Variants in ACYP2 observed in about 807,000 individuals in gnomAD.
ACYP2 encodes the protein acylphosphatase-2.
A neutral mutation model predicts 11.2 loss-of-function variants in ACYP2; 12 were observed. The observed-to-expected ratio is 1.08, with a 90% CI of 0.69 to 1.74. The LOEUF (loss-of-function observed/expected upper bound fraction) is 1.74, where lower values mean the gene tolerates loss of function less well. Ranked by LOEUF, ACYP2 falls within the 40% of genes most tolerant of loss-of-function variation. The pLI is 0.00. For synonymous variants in ACYP2, 43 were observed against 32.2 expected (o/e 1.33, Z -1.13); for missense variants, 134 against 101.9 (o/e 1.31, Z -1.35).
chr2:54,257,808 A>G (rs1053649308), intron 6 of ACYP2, among the ~76,000 whole-genome samples: 1 of 152,346 alleles, frequency 6.6e-6, no homozygotes, highest in East Asian at 1.9e-4. Context: ...ATAGAAATGT[A>G]TAACTTATCA....
At chr2:54,255,152 G>C (rs1288438014) in intron 6 of ACYP2, 2 of 1,614,166 alleles carry the variant, frequency 1.2e-6, no homozygotes, top group South Asian at 2.2e-5. Flanking sequence ...TGGGGTCCAT[G>C]GCCCCGGCGC....
intron 4 of ACYP2, among the ~76,000 whole-genome samples, chr2:54,120,126 T>A (rs142959575): frequency 6.6e-6 from 1 of 152,346 alleles, no homozygotes; most frequent in East Asian, 1.9e-4. Context: ...CTGGCTGTGA[T>A]AGTGTTTGTC....
At chr2:54,103,064 T>G (rs575915564) in intron 4 of ACYP2, among the ~76,000 whole-genome samples, 1 of 152,234 alleles carries the variant, frequency 6.6e-6, no homozygotes, top group East Asian at 1.9e-4. Flanking sequence ...GGGAAGGCAT[T>G]AGCTCCCCTA....
At chr2:54,284,110 G>C (rs1486876872) in intron 6 of ACYP2, among the ~76,000 whole-genome samples, 1 of 152,136 alleles carries the variant, frequency 6.6e-6, no homozygotes. Context: ...TTTATATTAA[G>C]TGGAAAAGAT....
At chr2:54,045,365 C>T (rs946189275) in intron 2 of ACYP2, among the ~76,000 whole-genome samples, 1 of 152,214 alleles carries the variant, frequency 6.6e-6, no homozygotes, top group African/African-American at 2.4e-5. Context: ...CTGCTGCAAA[C>T]CCTCCTGTCT....
intron 4 of ACYP2, among the ~76,000 whole-genome samples, chr2:54,094,552 G>A (rs1468442891): frequency 7.1e-6 from 1 of 140,490 alleles, no homozygotes; most frequent in Non-Finnish European, 1.5e-5. Context: ...GTGTGTGTGT[G>A]TTTGAGACAT....
At chr2:54,085,501 T>C (rs1677902660) in intron 4 of ACYP2, among the ~76,000 whole-genome samples, 1 of 152,248 alleles carries the variant, frequency 6.6e-6, no homozygotes, top group African/African-American at 2.4e-5. Context: ...ATAGCTCACA[T>C]TTATCTCAGT....
intron 4 of ACYP2, among the ~76,000 whole-genome samples, chr2:54,101,027 G>A (rs1678863884): frequency 6.6e-6 from 1 of 152,236 alleles, no homozygotes; most frequent in African/African-American, 2.4e-5. Context: ...AATGCCAGCA[G>A]TTAGCAGCTG....
At chr2:54,087,859 C>G (rs1678020979) in intron 4 of ACYP2, among the ~76,000 whole-genome samples, 1 of 152,120 alleles carries the variant, frequency 6.6e-6, no homozygotes, top group Non-Finnish European at 1.5e-5. Flanking sequence ...GATTCCCGAA[C>G]ATGAAATTTA....
intron 6 of ACYP2, among the ~76,000 whole-genome samples, chr2:54,230,397 C>A (rs765805691): frequency 6.6e-6 from 1 of 152,026 alleles, no homozygotes; most frequent in Non-Finnish European, 1.5e-5. Context: ...GCTCTTGTTG[C>A]CCAAGCTGGA....
chr2:53,987,080 A>G (rs1204337646), intron 2 of ACYP2, among the ~76,000 whole-genome samples: 2 of 152,208 alleles, frequency 1.3e-5, no homozygotes, highest in Non-Finnish European at 2.9e-5. Flanking sequence ...GCAAAATCAG[A>G]CACACAAGAG....
At chr2:54,217,359 A>C (rs1262663754) in intron 6 of ACYP2, among the ~76,000 whole-genome samples, 23 of 152,014 alleles carry the variant, frequency 1.5e-4, no homozygotes, top group Admixed American at 1.5e-3. Flanking sequence ...GCACAGCTCT[A>C]GGTTTTTTGT....
At chr2:54,096,456 C>A (rs913225651) in intron 4 of ACYP2, among the ~76,000 whole-genome samples, 30 of 152,100 alleles carry the variant, frequency 2.0e-4, no homozygotes, top group Non-Finnish European at 3.7e-4. Context: ...GCTGTACTCT[C>A]GGCACTTTGG....
intron 6 of ACYP2, among the ~76,000 whole-genome samples, chr2:54,294,555 C>A (rs1689442657): frequency 6.6e-6 from 1 of 152,128 alleles, no homozygotes; most frequent in South Asian, 2.1e-4. Flanking sequence ...AAAAACTTCA[C>A]TTGTCTACCG....
intron 6 of ACYP2, among the ~76,000 whole-genome samples, chr2:54,275,097 T>A (rs1005962188): frequency 6.6e-6 from 1 of 152,228 alleles, no homozygotes; most frequent in African/African-American, 2.4e-5. Flanking sequence ...CTTGCCTCAA[T>A]AACTTTGGTT....
At position 54,302,533 on chromosome 2, in the gene ACYP2, T is replaced by A. The variant is rs139738167; in HGVS notation, c.405-2155T>A. Among the ~76,000 whole-genome samples the A allele has an allele frequency of 6.9e-4, 105 of 152,308 alleles. 1 individual carries two copies. Among genetic ancestry groups the A allele is most frequent in the African/African-American group, 2.4e-3 (99 of 41,560 alleles). On this transcript the variant is annotated intron_variant, in intron 6 of 6. Coordinates refer to ENST00000607452, the MANE Select transcript of ACYP2 (RefSeq NM_001320586.2). ...TTGGACCTATCTTTTCTATCTAGATTCATTTTCTTGATGATCCCAGCCAAT... is the reference window on the plus strand; with the variant it reads ...TTGGACCTATCTTTTCTATCTAGATACATTTTCTTGATGATCCCAGCCAAT...
At chr2:53,988,256 A>C (rs1672123526) in intron 2 of ACYP2, among the ~76,000 whole-genome samples, 1 of 152,268 alleles carries the variant, frequency 6.6e-6, no homozygotes, top group Non-Finnish European at 1.5e-5. Flanking sequence ...CCTAGATTCC[A>C]AAGTTCTTTT....
intron 6 of ACYP2, among the ~76,000 whole-genome samples, chr2:54,203,330 G>A (rs1484932641): frequency 6.6e-6 from 1 of 152,156 alleles, no homozygotes; most frequent in Non-Finnish European, 1.5e-5. Flanking sequence ...CTGCATACTT[G>A]TTGAACCTGT....
intron 2 of ACYP2, among the ~76,000 whole-genome samples, chr2:54,049,070 G>A (rs1165752898): frequency 6.6e-6 from 1 of 152,124 alleles, no homozygotes; most frequent in Non-Finnish European, 1.5e-5. Context: ...AGGCCAGCCT[G>A]GGAAACGTGG....
Sources: gnomAD v4.1 joint callset for allele counts (sites outside exome capture counted in the v4.1 genomes callset) on GRCh38, gnomAD v4.1.1 for gene constraint, MANE v1.5 for transcripts, NCBI Gene and HGNC (gene_info 2026-07-23, HGNC 2026-07-21) for gene names.